Variants in CTBP2 observed in about 807,000 individuals in gnomAD.
CTBP2 encodes the protein C-terminal binding protein 2.
In CTBP2, 30 loss-of-function variants were observed where a neutral mutation model predicts 80.3. The observed-to-expected ratio is 0.37, with a 90% CI of 0.28 to 0.51. The LOEUF (loss-of-function observed/expected upper bound fraction) is 0.51. CTBP2 is among the 20% of genes least tolerant of loss of function. The pLI, the probability that CTBP2 is intolerant of heterozygous loss-of-function variation, is 0.93. For missense variants in CTBP2, 1,212 were observed against 1,375.3 expected, an observed-to-expected ratio of 0.88 and a Z score of 1.88; for synonymous variants, 594 against 587.4, an observed-to-expected ratio of 1.01 and a Z score of -0.16.
chr10:125,089,258 T>A (rs1433507081), intron 2 of CTBP2, among the ~76,000 whole-genome samples: 2 of 152,230 alleles, frequency 1.3e-5, no homozygotes, highest in Non-Finnish European at 2.9e-5. Flanking sequence ...AAACAAACAT[T>A]ACCAATGGGA....
chr10:125,014,113 G>C (rs1239238576), intron 1 of CTBP2, among the ~76,000 whole-genome samples: 1 of 152,168 alleles, frequency 6.6e-6, no homozygotes, highest in Admixed American at 6.5e-5. Flanking sequence ...AGAACAGAAG[G>C]GCACATCCAA....
At position 124,995,788 on chromosome 10, in the gene CTBP2, G is replaced by A. The variant is rs976852809; in HGVS notation, c.2186-1105C>T. Among the ~76,000 whole-genome samples, 8 of 152,300 alleles carry A rather than the reference G, an allele frequency of 5.3e-5. 1 individual carries two copies. The highest frequency in any genetic ancestry group is 2.0e-4 in the Admixed American group (3 of 15,298). ...GGCAGGACTGGACGGTGGCAGGGACGGAGTGAGAGATGGCTCTCTGACGCA... is the reference window on the plus strand; with the variant it reads ...GGCAGGACTGGACGGTGGCAGGGACAGAGTGAGAGATGGCTCTCTGACGCA... On this transcript the variant is annotated intron_variant, in intron 4 of 8. Coordinates refer to ENST00000309035, the MANE Select transcript of CTBP2 (RefSeq NM_022802.3).
chr10:125,005,937 C>T (rs12242509), intron 1 of CTBP2: 169 of 1,500,802 alleles, frequency 1.1e-4, no homozygotes, highest in Middle Eastern at 5.0e-4. Context: ...GGTAGCCACA[C>T]AGGAAAACCA....
chr10:125,055,324 T>A (rs1399985662), intron 2 of CTBP2, among the ~76,000 whole-genome samples: 1 of 152,194 alleles, frequency 6.6e-6, no homozygotes, highest in African/African-American at 2.4e-5. Flanking sequence ...TGGCCTCAAC[T>A]GCAACACAAG....
chr10:125,018,133 G>A lies in CTBP2; in HGVS notation c.1678+7949C>T, dbSNP rs947559987. On this transcript the variant is annotated intron_variant, in intron 1 of 8. Transcript: ENST00000309035. ...ATCATGGCATGGGCCACCCCCTGCT[G>A]TGGGACTCAGGGTAGGGGGTGAACC... Among the ~76,000 whole-genome samples, 3 of 152,348 alleles carry A rather than the reference G, an allele frequency of 2.0e-5. No individual in the cohort carries two copies. In the East Asian group the frequency reaches 5.8e-4, roughly 29 times the overall value.
intron 2 of CTBP2, among the ~76,000 whole-genome samples, chr10:125,077,241 T>C (rs1846405587): frequency 6.6e-6 from 1 of 152,242 alleles, no homozygotes; most frequent in African/African-American, 2.4e-5. Flanking sequence ...GAGCTGTGAA[T>C]GTAGGTTTAT....
chr10:125,098,903 C>G (rs527295929), intron 2 of CTBP2, among the ~76,000 whole-genome samples: 1 of 152,150 alleles, frequency 6.6e-6, no homozygotes, highest in Non-Finnish European at 1.5e-5. Flanking sequence ...CTCCTCCCTG[C>G]GCCCCCTCCA....
intron 4 of CTBP2, chr10:124,996,046 T>TCG (rs1183456214): frequency 1.3e-5 from 1 of 79,362 alleles, no homozygotes; most frequent in Admixed American, 1.5e-4. Context: ...GGCTATTTCT[T>TCG]TGTTTTTTTT....
At chr10:125,142,328 G>A (rs2133282227) in intron 1 of CTBP2, among the ~76,000 whole-genome samples, 1 of 152,240 alleles carries the variant, frequency 6.6e-6, no homozygotes, top group Non-Finnish European at 1.5e-5. Context: ...AGCACCCCTG[G>A]GGCTCATGCA....
intron 1 of CTBP2, among the ~76,000 whole-genome samples, chr10:125,149,110 CT>C (rs1330933733): frequency 1.3e-5 from 2 of 152,148 alleles, no homozygotes; most frequent in African/African-American, 2.4e-5. Context: ...CAAAGGATCC[CT>C]GAAACCTGGA....
At chr10:125,040,233 T>C (rs1284590339) in intron 2 of CTBP2, among the ~76,000 whole-genome samples, 2 of 152,106 alleles carry the variant, frequency 1.3e-5, no homozygotes, top group African/African-American at 4.8e-5. Context: ...GGCGGGCAGA[T>C]CACCTGAGGT....
Position 125,026,883 on chromosome 10 carries a change from A to G in CTBP2, c.877T>C (p.Phe293Leu). 1.2e-6 allele frequency: 2 copies of G among 1,613,850 alleles called. No individual in the cohort carries two copies. Among genetic ancestry groups the G allele is most frequent in the Non-Finnish European group, 1.7e-6 (2 of 1,179,994 alleles). The change falls in exon 1 of 9, where the codon TTC (phenylalanine) becomes CTC (leucine). Residue 293 changes from phenylalanine (F) to leucine (L), a missense_variant. Phe to Leu is a conservative substitution (Grantham distance 22). Around this residue, in one of 3 missense-constraint regions of CTBP2, gnomAD observed 848 missense variants for 782.3 expected, o/e 1.08. Transcript: ENST00000309035. ...CCCTCCGCCCGCAGAAAGGCCAGGA[A>G]CTCAGGGAGCACGGTCCTCTTGCCA...
intron 2 of CTBP2, among the ~76,000 whole-genome samples, chr10:125,049,427 CA>C (rs113294491): frequency 1.8e-4 from 28 of 152,332 alleles, no homozygotes; most frequent in Middle Eastern, 3.4e-3. Context: ...GGGGAGCCCC[CA>C]CCTGAGCTCC....
intron 3 of CTBP2, chr10:124,999,972 C>T (rs538290066): frequency 6.6e-6 from 1 of 152,382 alleles, no homozygotes; most frequent in African/African-American, 2.4e-5. Flanking sequence ...AACAGCAGCA[C>T]CTCCTCCTAG....
rs7895557 is a variant in CTBP2, at chr10:125,113,752, A to C, written c.-205-2659T>G. 7.0e-3 allele frequency among the ~76,000 whole-genome samples: 1,063 copies of C among 152,280 alleles called. 8 individuals carry two copies. The highest frequency in any genetic ancestry group is 0.024 in the African/African-American group (993 of 41,536). On this transcript the variant is annotated intron_variant, in intron 1 of 10. Coordinates refer to the CTBP2 transcript ENST00000337195. ...GTGGGTACAGGTTCTAATTTGAGATATTTCATAGTAAAATTAAGTAGGAAA... is the reference window on the plus strand; with the variant it reads ...GTGGGTACAGGTTCTAATTTGAGATCTTTCATAGTAAAATTAAGTAGGAAA...
At chr10:125,003,205 GAGGA>G in intron 2 of CTBP2, 101 bp from the exon 5 acceptor site, 1 of 1,586,718 alleles carries the variant, frequency 6.3e-7, no homozygotes, top group Non-Finnish European at 8.6e-7. Flanking sequence ...ACCTGAGGCA[GAGGA>G]GTTCAGCAGG....
chr10:125,159,341 G>A (rs1266292946), intron 1 of CTBP2, among the ~76,000 whole-genome samples: 2 of 142,572 alleles, frequency 1.4e-5, no homozygotes, highest in Non-Finnish European at 3.1e-5. Context: ...CCGGGCTCCC[G>A]GCGGCGGCGG....
intron 1 of CTBP2, among the ~76,000 whole-genome samples, chr10:125,150,791 C>A (rs923806369): frequency 8.0e-5 from 12 of 150,236 alleles, no homozygotes; most frequent in Non-Finnish European, 3.0e-5. Flanking sequence ...ACTTCCTGCT[C>A]TAGGATGTTT....
At position 124,984,432 on chromosome 10, in the gene CTBP2, A is replaced by G. The variant is rs78004567; in HGVS notation, c.*5086T>C. ...TAACTTGTATAATTTCAGCTTGTAC[A>G]TAATTGACTAAGTAAACTTACCTTG... is the stretch of plus-strand genomic sequence containing the variant. On this transcript the variant is annotated 3_prime_UTR_variant, in exon 9 of 9. Coordinates refer to ENST00000309035, the MANE Select transcript of CTBP2 (RefSeq NM_022802.3). 1,152 of 225,948 alleles carry G rather than the reference A, an allele frequency of 5.1e-3. 20 individuals are homozygous for G. Among genetic ancestry groups the G allele is most frequent in the African/African-American group, 0.024 (1,069 of 44,066 alleles). The allele number at this position is 225,948 out of a possible 1,614,324, so 14.0% of individuals were successfully genotyped here.
Sources: gnomAD v4.1 joint callset for allele counts (sites outside exome capture counted in the v4.1 genomes callset) on GRCh38, gnomAD v4.1.1 for gene constraint, gnomAD v4.1.1 regional missense constraint, MANE v1.5 for transcripts, NCBI Gene and HGNC (gene_info 2026-07-23, HGNC 2026-07-21) for gene names.